The following PUDP variants were observed in gnomAD, a reference collection of about 807,000 sequenced individuals.
The protein encoded by PUDP is pseudouridine-5'-phosphatase.
In PUDP, 8 loss-of-function variants were observed where a neutral mutation model predicts 9.4. The observed-to-expected ratio is 0.85, with a 90% CI of 0.50 to 1.53. The LOEUF is 1.53. Among genes scored for constraint, PUDP ranks in the 40% most tolerant of loss-of-function variants. The pLI, the probability that PUDP is intolerant of heterozygous loss-of-function variation, is 0.00. For missense variants in PUDP, 188 were observed against 189.7 expected, an observed-to-expected ratio of 0.99 and a Z score of 0.05; for synonymous variants, 99 against 80.7, an observed-to-expected ratio of 1.23 and a Z score of -1.22.
Position 6,826,451 on chromosome X carries a change from T to C in PUDP, c.*248-119985A>G, listed in dbSNP as rs760421707. Among the ~76,000 whole-genome samples the C allele has an allele frequency of 4.5e-5, 5 of 111,853 alleles. No individual in the cohort carries two copies. The East Asian group carries it at 8.4e-4, about 19-fold the overall frequency. ...TGATCAGAACACCAGGTAGGGACAA[T>C]TGAAAGACAAGGAGGTACAGGGAAT... On this transcript the variant is annotated intron_variant and NMD_transcript_variant, in intron 3 of 3. Coordinates refer to the PUDP transcript ENST00000655425.
At chrX:7,136,828 A>G (rs1932752973) in intron 1 of PUDP, among the ~76,000 whole-genome samples, 1 of 108,473 alleles carries the variant, frequency 9.2e-6, no homozygotes, top group African/African-American at 3.4e-5. Flanking sequence ...ACTGGGCATG[A>G]TGTTTCCAAA....
rs949926713 is a variant in PUDP at position 7,000,324 on chromosome X, C to T, written c.205-21981G>A. On this transcript the variant is annotated intron_variant and NMD_transcript_variant, in intron 1 of 3. Transcript: ENST00000655425. ...GAAACAGATAAACTAAAAAAACAAA[C>T]GAACAAACAAACATAAACTGAGTCA... Among the ~76,000 whole-genome samples the T allele has an allele frequency of 9.0e-5, 10 of 111,111 alleles. No homozygotes were observed. In the East Asian group the frequency reaches 1.1e-3, roughly 13 times the overall value.
chrX:6,930,089 G>A (rs1320985655), intron 3 of PUDP, among the ~76,000 whole-genome samples: 1 of 111,399 alleles, frequency 9.0e-6, no homozygotes, highest in Non-Finnish European at 1.9e-5. Context: ...ACTTTCCAGG[G>A]TCTTCCAGGA....
chrX:7,107,096 T>C (rs1236765795), intron 1 of PUDP, among the ~76,000 whole-genome samples: 1 of 111,844 alleles, frequency 8.9e-6, no homozygotes, highest in Non-Finnish European at 1.9e-5. Flanking sequence ...CACGGATGCA[T>C]CTGACAAAAA....
chrX:6,810,201 A>G (rs768833804), intron 3 of PUDP, among the ~76,000 whole-genome samples: 1 of 112,048 alleles, frequency 8.9e-6, no homozygotes, highest in Non-Finnish European at 1.9e-5. Context: ...ATGAGGACCA[A>G]CAAACAAGAT....
intron 1 of PUDP, among the ~76,000 whole-genome samples, chrX:6,999,187 G>A (rs1387684678): frequency 9.0e-6 from 1 of 111,255 alleles, no homozygotes; most frequent in Non-Finnish European, 1.9e-5. Flanking sequence ...AGACCACCAT[G>A]TGAGTACTTC....
chrX:7,123,539 C>G (rs908184854), intron 1 of PUDP, among the ~76,000 whole-genome samples: 11 of 111,635 alleles, frequency 9.9e-5, no homozygotes, highest in Non-Finnish European at 2.1e-4. Context: ...TACCAATAAT[C>G]GCATTGTATG....
intron 3 of PUDP, among the ~76,000 whole-genome samples, chrX:6,856,219 G>A (rs1828780146): frequency 9.0e-6 from 1 of 111,657 alleles, no homozygotes; most frequent in African/African-American, 3.3e-5. Flanking sequence ...GGACCCTCAG[G>A]AAAGCAAAGA....
chrX:6,923,119 G>A (rs1337050459), intron 3 of PUDP, among the ~76,000 whole-genome samples: 1 of 111,251 alleles, frequency 9.0e-6, no homozygotes, highest in African/African-American at 3.3e-5. Flanking sequence ...TTGATACAGT[G>A]GACTGCTTTC....
chrX:6,994,397 C>A (rs1382341760), intron 1 of PUDP, among the ~76,000 whole-genome samples: 2 of 111,867 alleles, frequency 1.8e-5, no homozygotes, highest in South Asian at 7.5e-4. Flanking sequence ...AAAGCAAGAT[C>A]CTGTTCCAAA....
chrX:7,035,292 T>C (rs1929839440), intron 1 of PUDP, among the ~76,000 whole-genome samples: 1 of 112,074 alleles, frequency 8.9e-6, no homozygotes. Context: ...AGGTAATATA[T>C]ACATAGTCTG....
chrX:6,739,305 C>T lies in PUDP; in HGVS notation c.*248-32839G>A, dbSNP rs961719934. On this transcript the variant is annotated intron_variant and NMD_transcript_variant, in intron 3 of 3. Coordinates refer to the PUDP transcript ENST00000655425. ...TCACATGGCATCCCTTAGGAAGCTG[C>T]AGTGACCTAGAAGCCATCAAGGACA... 2.5e-4 allele frequency among the ~76,000 whole-genome samples: 28 copies of T among 111,751 alleles called. 1 individual carries two copies. The highest frequency in any genetic ancestry group is 1.9e-5 in the Non-Finnish European group (1 of 53,192).
At chrX:7,107,883 A>G (rs1931930921) in intron 1 of PUDP, among the ~76,000 whole-genome samples, 1 of 112,570 alleles carries the variant, frequency 8.9e-6, no homozygotes, top group South Asian at 3.7e-4. Flanking sequence ...CTCCTCCCAG[A>G]TAGGCATGCA....
At chrX:6,837,279 C>T (rs1782664472) in intron 3 of PUDP, among the ~76,000 whole-genome samples, 1 of 112,335 alleles carries the variant, frequency 8.9e-6, no homozygotes, top group Admixed American at 9.4e-5. Context: ...AAAATATTTC[C>T]TTGGACACCT....
At chrX:6,941,216 C>A (rs1315906699) in intron 3 of PUDP, among the ~76,000 whole-genome samples, 1 of 110,879 alleles carries the variant, frequency 9.0e-6, no homozygotes. Flanking sequence ...TAAGAGTTGA[C>A]CTCTTAAGGG....
intron 1 of PUDP, among the ~76,000 whole-genome samples, chrX:7,109,505 ATCC>A (rs1247665429): frequency 8.9e-6 from 1 of 112,317 alleles, no homozygotes; most frequent in African/African-American, 3.2e-5. Flanking sequence ...AAACAGCTGT[ATCC>A]TCTAAAAATG....
intron 3 of PUDP, among the ~76,000 whole-genome samples, chrX:6,847,175 T>A (rs766956078): frequency 3.6e-5 from 4 of 111,854 alleles, no homozygotes; most frequent in Non-Finnish European, 7.5e-5. Flanking sequence ...TGCAGAATCA[T>A]GAAAATGTCA....
At chrX:7,044,887 T>C (rs1929965077), downstream of PUDP, among the ~76,000 whole-genome samples, 1 of 112,823 alleles carries the variant, frequency 8.9e-6, no homozygotes, top group Admixed American at 9.3e-5. Flanking sequence ...CACTTTTCTA[T>C]TGGTTGGTGG....
chrX:7,136,279 C>T (rs1156350154), intron 1 of PUDP, among the ~76,000 whole-genome samples: 2 of 112,324 alleles, frequency 1.8e-5, no homozygotes, highest in South Asian at 3.7e-4. Flanking sequence ...GCACACGTGA[C>T]GTGACATGCT....
Sources: allele counts gnomAD v4.1 joint callset (sites outside exome capture counted in the v4.1 genomes callset), GRCh38; gene constraint gnomAD v4.1.1; transcripts MANE v1.5; gene names NCBI Gene and HGNC (gene_info 2026-07-23, HGNC 2026-07-21).